Variants in PABPC4L observed in about 807,000 individuals in gnomAD.
PABPC4L encodes the protein polyadenylate-binding protein 4-like.
For missense variants in PABPC4L, 452 were observed against 451.4 expected (o/e 1.00, Z -0.01); for synonymous variants, 169 against 164.1 (o/e 1.03, Z -0.23).
chr4:133,950,534 T>C, the PABPC4L span, among the ~76,000 whole-genome samples: 1 of 152,172 alleles, frequency 6.6e-6, no homozygotes, highest in Non-Finnish European at 1.5e-5. Context: ...GTGACTTCCT[T>C]TGTGCAGCAT....
At chr4:134,051,599 T>C in the PABPC4L span, among the ~76,000 whole-genome samples, 6 of 152,132 alleles carry the variant, frequency 3.9e-5, no homozygotes, top group Non-Finnish European at 7.4e-5. Context: ...TATTTGAAAA[T>C]GTTCTTTTTA....
the PABPC4L span, among the ~76,000 whole-genome samples, chr4:134,047,375 A>G: frequency 1.3e-5 from 2 of 152,212 alleles, no homozygotes; most frequent in Non-Finnish European, 2.9e-5. Context: ...TGCAAATAAT[A>G]CAAAAAGAGA....
chr4:133,985,244 G>A, the PABPC4L span, among the ~76,000 whole-genome samples: 3 of 151,842 alleles, frequency 2.0e-5, no homozygotes, highest in Admixed American at 2.0e-4. Context: ...ACAACTATAG[G>A]TTCCACAAGG....
the PABPC4L span, among the ~76,000 whole-genome samples, chr4:134,071,750 A>G: frequency 6.6e-6 from 1 of 152,176 alleles, no homozygotes; most frequent in Non-Finnish European, 1.5e-5. Flanking sequence ...AATAATTTAA[A>G]ATACTCAGTT....
chr4:133,989,330 G>T, the PABPC4L span, among the ~76,000 whole-genome samples: 1 of 152,054 alleles, frequency 6.6e-6, no homozygotes, highest in Non-Finnish European at 1.5e-5. Flanking sequence ...CATCTTGAAG[G>T]CTTTGCAACT....
At chr4:134,047,782 T>C in the PABPC4L span, among the ~76,000 whole-genome samples, 3 of 146,110 alleles carry the variant, frequency 2.1e-5, no homozygotes, top group Non-Finnish European at 4.5e-5. Context: ...AGTCTAAACT[T>C]GTGTTTTTTT....
At chr4:134,171,314 C>T in the PABPC4L span, among the ~76,000 whole-genome samples, 1 of 152,084 alleles carries the variant, frequency 6.6e-6, no homozygotes, top group African/African-American at 2.4e-5. Flanking sequence ...TGGGGTTTCA[C>T]CATGTTGGCC....
chr4:134,026,732 G>A, the PABPC4L span, among the ~76,000 whole-genome samples: 10 of 152,198 alleles, frequency 6.6e-5, no homozygotes, highest in East Asian at 3.9e-4. Flanking sequence ...GGTCATTAGC[G>A]TGAGCTCCAG....
At chr4:134,070,462 T>G in the PABPC4L span, among the ~76,000 whole-genome samples, 3 of 151,980 alleles carry the variant, frequency 2.0e-5, no homozygotes, top group Admixed American at 1.3e-4. Context: ...ATTAAGGCAG[T>G]TGTGGTGATG....
chr4:134,002,959 A>G, the PABPC4L span, among the ~76,000 whole-genome samples: 6 of 151,892 alleles, frequency 4.0e-5, no homozygotes, highest in African/African-American at 1.4e-4. Flanking sequence ...AAAAACTGCA[A>G]AACTAGGAAA....
chr4:134,045,184 TGATA>T, the PABPC4L span, among the ~76,000 whole-genome samples: 2 of 152,138 alleles, frequency 1.3e-5, no homozygotes, highest in East Asian at 1.9e-4. Flanking sequence ...GCTCTAAAAC[TGATA>T]GATTGCACAA....
chr4:133,986,166 C>T, the PABPC4L span, among the ~76,000 whole-genome samples: 1 of 152,018 alleles, frequency 6.6e-6, no homozygotes, highest in Admixed American at 6.6e-5. Flanking sequence ...TGTCAATATC[C>T]TTCTAGCTTA....
chr4:134,142,428 A>G, the PABPC4L span, among the ~76,000 whole-genome samples: 1 of 151,642 alleles, frequency 6.6e-6, no homozygotes, highest in African/African-American at 2.4e-5. Flanking sequence ...AATATGCATA[A>G]AAATATTAAT....
chr4:134,171,518 C>T, the PABPC4L span, among the ~76,000 whole-genome samples: 2 of 152,080 alleles, frequency 1.3e-5, no homozygotes. Flanking sequence ...ATTCCGGATC[C>T]TAGCTGTTTG....
At chr4:134,146,312 T>C in the PABPC4L span, among the ~76,000 whole-genome samples, 1 of 150,296 alleles carries the variant, frequency 6.7e-6, no homozygotes. Context: ...GAATAAAAGA[T>C]GCAATTTGAA....
chr4:134,055,072 A>G, the PABPC4L span, among the ~76,000 whole-genome samples: 5 of 151,854 alleles, frequency 3.3e-5, no homozygotes, highest in African/African-American at 1.2e-4. Flanking sequence ...TTTAATTTGC[A>G]TTTTCCTGGT....
At chr4:134,186,958 G>A in the PABPC4L span, among the ~76,000 whole-genome samples, 1 of 152,050 alleles carries the variant, frequency 6.6e-6, no homozygotes, top group Non-Finnish European at 1.5e-5. Context: ...ATCATCACTG[G>A]CCATCAGAGA....
At chr4:134,025,230 G>T in the PABPC4L span, among the ~76,000 whole-genome samples, 1 of 149,834 alleles carries the variant, frequency 6.7e-6, no homozygotes, top group Non-Finnish European at 1.5e-5. Flanking sequence ...CTACTTGGGA[G>T]GCTGAGACAG....
chr4:134,081,136 A>G, the PABPC4L span, among the ~76,000 whole-genome samples: 1 of 152,204 alleles, frequency 6.6e-6, no homozygotes, highest in African/African-American at 2.4e-5. Context: ...AAAAGTAGGT[A>G]TTAAGAAGGA....
Sources: gnomAD v4.1 joint callset for allele counts (sites outside exome capture counted in the v4.1 genomes callset) on GRCh38, gnomAD v4.1.1 for gene constraint, MANE v1.5 for transcripts, NCBI Gene and HGNC (gene_info 2026-07-23, HGNC 2026-07-21) for gene names.